Variants in DNAH3 observed in about 807,000 individuals in gnomAD.
DNAH3 encodes the protein axonemal beta dynein heavy chain 3.
Under a neutral mutation model 432.5 loss-of-function variants are expected in DNAH3, and 332 were observed. The ratio of observed to expected loss-of-function variants is 0.77; its 90% CI spans 0.70 to 0.84. The LOEUF (loss-of-function observed/expected upper bound fraction) is 0.84, where lower values mean the gene tolerates loss of function less well. DNAH3 is among the 40% of genes least tolerant of loss of function. The probability of loss-of-function intolerance (pLI) is 0.00; values close to 1 mark genes in which losing one functional copy is unlikely to be tolerated. For synonymous variants in DNAH3, 1,956 were observed against 1,900.2 expected (o/e 1.03, Z -0.76); for missense variants, 4,861 against 5,114.0 (o/e 0.95, Z 1.51).
intron 23 of DNAH3, among the ~76,000 whole-genome samples, chr16:21,067,782 A>AGAGAGAGAGAGAGG (rs2090619992): frequency 9.7e-6 from 1 of 103,392 alleles, no homozygotes. Context: ...GGAGGGAGAG[A>AGAGAGAGAGAGAGG]GAGAGAGAGA....
chr16:20,980,670 G>GA (rs1192125690), intron 49 of DNAH3, among the ~76,000 whole-genome samples: 3 of 151,982 alleles, frequency 2.0e-5, no homozygotes, highest in Admixed American at 6.6e-5. Context: ...TTATAGGCAT[G>GA]AAACACCATG....
chr16:21,081,670 T>C (rs559166473), exon 20 of DNAH3: 1 of 1,613,772 alleles, frequency 6.2e-7, no homozygotes, highest in South Asian at 1.1e-5. Flanking sequence ...AATTCGAGCA[T>C]ATTTGAGAGG....
rs2092470032 is a variant in DNAH3, at chr16:21,127,652, C to A, written c.1208+35G>T. On this transcript the variant is annotated intron_variant, in intron 8 of 61. Transcript: ENST00000261383. The stretch of plus-strand genomic sequence containing the variant: ...AGAGGGTTTTCAGTCTTTAAGATAC[C>A]ATGGTGCAGCCCCACTTGGAGGGCA... The A allele has an allele frequency of 7.4e-6, 12 of 1,611,090 alleles. No homozygotes were observed. In the East Asian group the frequency reaches 2.7e-4, roughly 36 times the overall value.
intron 1 of DNAH3, among the ~76,000 whole-genome samples, chr16:21,154,380 G>T (rs1227563587): frequency 1.3e-5 from 2 of 151,084 alleles, no homozygotes; most frequent in East Asian, 3.9e-4. Context: ...ACTCCAGCCT[G>T]TGTGACACAG....
intron 54 of DNAH3, among the ~76,000 whole-genome samples, chr16:20,956,282 A>G (rs1376412841): frequency 6.6e-6 from 1 of 152,114 alleles, no homozygotes; most frequent in Non-Finnish European, 1.5e-5. Context: ...CTAGATTCCC[A>G]TCTTCCCTTT....
At chr16:21,086,180 T>TGCTA (rs1156612774) in intron 19 of DNAH3, among the ~76,000 whole-genome samples, 1 of 152,228 alleles carries the variant, frequency 6.6e-6, no homozygotes, top group East Asian at 1.9e-4. Flanking sequence ...TCAAGGCCAT[T>TGCTA]GCTAGCCCTT....
At chr16:21,104,372 G>A (rs1481783461) in intron 16 of DNAH3, 99 bp downstream of exon 16, 2 of 1,006,108 alleles carry the variant, frequency 2.0e-6, no homozygotes, top group African/African-American at 1.6e-5. Flanking sequence ...ACGTTGCCAT[G>A]GAGTGAGCTG....
chr16:21,145,291 T>C (rs746030014), exon 3 of DNAH3: 4 of 1,613,934 alleles, frequency 2.5e-6, no homozygotes, highest in South Asian at 2.2e-5. Flanking sequence ...CAAGGAGTAG[T>C]TGTTGGCGAT....
At chr16:20,933,433 A>G in exon 62 of DNAH3, 1 of 1,613,988 alleles carries the variant, frequency 6.2e-7, no homozygotes, top group Non-Finnish European at 8.5e-7. Context: ...CCCAACGGGC[A>G]CCTTCTAAGA....
At chr16:20,983,035 A>T in intron 48 of DNAH3, 149 bp from the exon 49 acceptor site, 1 of 730,642 alleles carries the variant, frequency 1.4e-6, no homozygotes, top group Non-Finnish European at 2.3e-6. Flanking sequence ...GGCCATAATG[A>T]GTGCCTGGGA....
intron 35 of DNAH3, 114 bp downstream of exon 35, chr16:21,036,597 TCTA>T: frequency 1.0e-6 from 1 of 978,118 alleles, no homozygotes; most frequent in Non-Finnish European, 1.5e-6. Flanking sequence ...TACTTGCATT[TCTA>T]CACAGGCACC....
intron 59 of DNAH3, among the ~76,000 whole-genome samples, chr16:20,937,516 T>C (rs1292511217): frequency 2.0e-5 from 3 of 151,006 alleles, no homozygotes; most frequent in African/African-American, 7.3e-5. Flanking sequence ...CAATTCATAT[T>C]GTCAAAGTTG....
At chr16:21,107,661 A>G (rs1429757684) in intron 14 of DNAH3, among the ~76,000 whole-genome samples, 3 of 152,208 alleles carry the variant, frequency 2.0e-5, no homozygotes, top group Admixed American at 1.3e-4. Context: ...CTTTTCAAAC[A>G]TAAGACTGAA....
chr16:21,022,022 A>G, exon 40 of DNAH3: 1 of 1,614,060 alleles, frequency 6.2e-7, no homozygotes, highest in South Asian at 1.1e-5. Context: ...TGGATGGGAG[A>G]TGTCTGGACA....
At chr16:21,117,118 CAGGAAT>C in intron 12 of DNAH3, 79 bp downstream of exon 12, 1 of 870,968 alleles carries the variant, frequency 1.1e-6, no homozygotes, top group East Asian at 2.5e-5. Context: ...TGTTTGGGAA[CAGGAAT>C]ACCTTATTGG....
At chr16:21,154,011 T>A (rs555686628) in intron 1 of DNAH3, among the ~76,000 whole-genome samples, 16 of 152,334 alleles carry the variant, frequency 1.1e-4, no homozygotes, top group Non-Finnish European at 2.2e-4. Flanking sequence ...AGCTGGAGAC[T>A]CTGGTTTAGA....
intron 41 of DNAH3, chr16:21,019,342 T>A: frequency 2.6e-6 from 1 of 390,356 alleles, no homozygotes; most frequent in Non-Finnish European, 4.7e-6. Flanking sequence ...GTATTTTTAA[T>A]AGAGACGGGG....
chr16:21,117,373 G>A, intron 11 of DNAH3, 34 bp from the exon 12 acceptor site: 1 of 1,211,508 alleles, frequency 8.3e-7, no homozygotes, highest in African/African-American at 1.5e-5. Flanking sequence ...CATGTTGCAA[G>A]ACTTAAGAAG....
chr16:21,062,995 G>A, intron 24 of DNAH3: 1 of 269,114 alleles, frequency 3.7e-6, no homozygotes, highest in African/African-American at 2.2e-5. Context: ...GCTTGGAGAT[G>A]GTTTTGACTC....
Sources: gnomAD v4.1 joint callset for allele counts (sites outside exome capture counted in the v4.1 genomes callset) on GRCh38, gnomAD v4.1.1 for gene constraint, MANE v1.5 for transcripts, NCBI Gene and HGNC (gene_info 2026-07-23, HGNC 2026-07-21) for gene names.